PPP6R2: variants seen among roughly 807,000 people sequenced by gnomAD.
PPP6R2 encodes the protein protein phosphatase 6 regulatory subunit 2, also known as serine/threonine-protein phosphatase 6 regulatory subunit 2.
PPP6R2 carries 62 observed loss-of-function variants against 100.2 expected under a neutral mutation model. The ratio of observed to expected loss-of-function variants is 0.62; its 90% CI spans 0.50 to 0.76. The LOEUF is 0.76. PPP6R2 is among the 30% of genes least tolerant of loss of function. The probability of loss-of-function intolerance (pLI) is 0.00; values close to 1 mark genes in which losing one functional copy is unlikely to be tolerated. For missense variants in PPP6R2, 1,142 were observed against 1,276.3 expected, an observed-to-expected ratio of 0.89 and a Z score of 1.60; for synonymous variants, 525 against 514.7, an observed-to-expected ratio of 1.02 and a Z score of -0.27.
intron 2 of PPP6R2, among the ~76,000 whole-genome samples, chr22:50,379,340 TA>T (rs1007032067): frequency 6.7e-6 from 1 of 150,192 alleles, no homozygotes; most frequent in South Asian, 2.1e-4. Context: ...TACAAAAAAA[TA>T]AAAAAATTAG....
chr22:50,379,148 T>C (rs1174497492), intron 2 of PPP6R2, among the ~76,000 whole-genome samples: 1 of 152,126 alleles, frequency 6.6e-6, no homozygotes, highest in East Asian at 1.9e-4. Context: ...GTCTAAGATA[T>C]TTTGTTATAG....
At chr22:50,358,144 G>A (rs1047898388) in intron 1 of PPP6R2, among the ~76,000 whole-genome samples, 1 of 151,640 alleles carries the variant, frequency 6.6e-6, no homozygotes, top group Non-Finnish European at 1.5e-5. Flanking sequence ...TGGTAGAGAT[G>A]GGGGTCTCTC....
At chr22:50,410,469 CTTTTTTTT>C (rs200178930) in intron 4 of PPP6R2, among the ~76,000 whole-genome samples, 4 of 103,342 alleles carry the variant, frequency 3.9e-5, no homozygotes, top group African/African-American at 1.5e-4. Context: ...TGAGTGGTGT[CTTTTTTTT>C]TTTTTTTTTT....
chr22:50,389,797 C>T (rs555090988), intron 2 of PPP6R2, among the ~76,000 whole-genome samples: 49 of 151,758 alleles, frequency 3.2e-4, no homozygotes, highest in Admixed American at 8.5e-4. Flanking sequence ...TGGGGTTGGC[C>T]AGGCTGGTCT....
rs757276731 is a variant in PPP6R2, at chr22:50,393,888, T to G, written c.-16-5T>G. On this transcript the variant is annotated splice_region_variant and splice_polypyrimidine_tract_variant and intron_variant, in intron 2 of 23. Transcript: ENST00000612753. ...GAGACGTGACCCCTTTGCCCTCGTT[T>G]GCAGCTCTGCGGCCGTCACGATGTT... The G allele has an allele frequency of 1.2e-6, 2 of 1,614,068 alleles. No homozygotes were observed. The highest frequency in any genetic ancestry group is 1.7e-6 in the Non-Finnish European group (2 of 1,179,908).
chr22:50,352,418 T>C (rs977270451), intron 1 of PPP6R2, among the ~76,000 whole-genome samples: 2 of 152,090 alleles, frequency 1.3e-5, no homozygotes, highest in African/African-American at 4.8e-5. Flanking sequence ...GGTTTCGTCT[T>C]CTCTCCAAAC....
upstream of PPP6R2, among the ~76,000 whole-genome samples, chr22:50,339,034 G>GAT (rs2042337652): frequency 7.6e-6 from 1 of 132,088 alleles, no homozygotes; most frequent in African/African-American, 2.9e-5. Context: ...TGTGGTGTGT[G>GAT]TGTGTGGTAT....
chr22:50,412,310 A>G (rs9616842), intron 4 of PPP6R2, among the ~76,000 whole-genome samples: 57,303 of 149,652 alleles, frequency 0.38, 11,260 homozygotes, highest in East Asian at 0.67. Flanking sequence ...TCATGCCTCA[A>G]CATTCCGAGT....
At chr22:50,418,783 A>C in intron 6 of PPP6R2, 84 bp from the exon 7 acceptor site, 2 of 996,294 alleles carry the variant, frequency 2.0e-6, no homozygotes, top group Non-Finnish European at 3.2e-6. Context: ...AAGCAGCAGG[A>C]CTTGTGCCCT....
At chr22:50,371,121 A>G (rs1353053070) in intron 1 of PPP6R2, among the ~76,000 whole-genome samples, 1 of 152,212 alleles carries the variant, frequency 6.6e-6, no homozygotes, top group Non-Finnish European at 1.5e-5. Flanking sequence ...AATTAAACAT[A>G]ATACTCCACC....
chr22:50,416,058 C>T, intron 5 of PPP6R2, 34 bp from the exon 6 acceptor site: 1 of 1,575,048 alleles, frequency 6.3e-7, no homozygotes, highest in Non-Finnish European at 8.7e-7. Flanking sequence ...TAGACTTGAG[C>T]AGCGACACTG....
intron 22 of PPP6R2, among the ~76,000 whole-genome samples, chr22:50,441,593 C>G (rs1477179820): frequency 6.6e-6 from 1 of 152,208 alleles, no homozygotes; most frequent in Non-Finnish European, 1.5e-5. Flanking sequence ...CAGGACTGCA[C>G]TGGGGGCATC....
chr22:50,436,582 T>C, intron 14 of PPP6R2, 130 bp downstream of exon 14: 1 of 865,542 alleles, frequency 1.2e-6, no homozygotes, highest in Non-Finnish European at 1.9e-6. Context: ...TCCTCTTGAC[T>C]ATGCGGTGCC....
At chr22:50,348,730 C>A (rs1295697875) in intron 1 of PPP6R2, among the ~76,000 whole-genome samples, 4 of 152,086 alleles carry the variant, frequency 2.6e-5, no homozygotes, top group Non-Finnish European at 5.9e-5. Flanking sequence ...ATACAACTGT[C>A]ATCATGGGGG....
At chr22:50,356,848 T>C (rs2046700987) in intron 1 of PPP6R2, among the ~76,000 whole-genome samples, 2 of 151,720 alleles carry the variant, frequency 1.3e-5, no homozygotes, top group Non-Finnish European at 1.5e-5. Context: ...GCAGGAGAAT[T>C]GCTTGAACCC....
At chr22:50,436,316 A>C (rs1009993707) in intron 13 of PPP6R2, 51 bp from the exon 14 acceptor site, 1 of 1,519,986 alleles carries the variant, frequency 6.6e-7, no homozygotes, top group Admixed American at 2.0e-5. Flanking sequence ...GGTGCCCTGC[A>C]CCATCTGCAC....
upstream of PPP6R2, among the ~76,000 whole-genome samples, chr22:50,338,617 ATGTGTGGTATATGGTG>A (rs988634228): frequency 1.3e-5 from 1 of 77,234 alleles, no homozygotes; most frequent in African/African-American, 5.5e-5. Context: ...GGTATGTAGT[ATGTGTGGTATATGGTG>A]TGTGGTGTCT....
chr22:50,398,601 C>T (rs1169316611), intron 3 of PPP6R2, among the ~76,000 whole-genome samples: 4 of 151,244 alleles, frequency 2.6e-5, no homozygotes, highest in African/African-American at 7.3e-5. Flanking sequence ...CTGCAACCTC[C>T]GCCTCCTGGG....
At chr22:50,400,706 A>G (rs1434526156) in intron 3 of PPP6R2, among the ~76,000 whole-genome samples, 3 of 152,230 alleles carry the variant, frequency 2.0e-5, no homozygotes. Flanking sequence ...AAATCAAGCA[A>G]ACAGAAAAAT....
Sources: gnomAD v4.1 joint callset for allele counts (sites outside exome capture counted in the v4.1 genomes callset) on GRCh38, gnomAD v4.1.1 for gene constraint, MANE v1.5 for transcripts, NCBI Gene and HGNC (gene_info 2026-07-23, HGNC 2026-07-21) for gene names.